SPRED2: variants seen among roughly 807,000 people sequenced by gnomAD.
SPRED2 encodes sprouty related EVH1 domain containing 2, also known as sprouty-related, EVH1 domain-containing protein 2.
In SPRED2, 47 loss-of-function variants were observed where a neutral mutation model predicts 43.0. That is an observed-to-expected ratio of 1.09 (90% CI 0.87 to 1.40). The LOEUF (loss-of-function observed/expected upper bound fraction) is 1.40, where lower values mean the gene tolerates loss of function less well. SPRED2 is among the 40% of genes most tolerant of loss of function. The pLI is 0.00. For synonymous variants in SPRED2, 225 were observed against 225.7 expected (o/e 1.00, Z 0.03); for missense variants, 561 against 586.4 (o/e 0.96, Z 0.45).
chr2:65,332,766 C>T (rs1255002080), intron 3 of SPRED2, among the ~76,000 whole-genome samples: 1 of 152,162 alleles, frequency 6.6e-6, no homozygotes, highest in African/African-American at 2.4e-5. Flanking sequence ...TACTTGTTCA[C>T]CTTTTTCTTC....
In SPRED2 at chr2:65,350,499, C is replaced by A. The variant is rs1572860816; in HGVS notation, c.27-5603G>T. On this transcript the variant is annotated intron_variant, in intron 1 of 5. Transcript: ENST00000356388. ...CAAATGGTGTTGGACGACCAGCCCT[C>A]AATACCATATTCTTTAGTTGTGTTA... Among the ~76,000 whole-genome samples, 6 of 152,276 alleles carry A rather than the reference C, an allele frequency of 3.9e-5. No individual in the cohort carries two copies. In the South Asian group the frequency reaches 1.2e-3, roughly 32 times the overall value.
At chr2:65,383,154 C>G (rs1675414643) in intron 1 of SPRED2, among the ~76,000 whole-genome samples, 1 of 152,216 alleles carries the variant, frequency 6.6e-6, no homozygotes, top group Admixed American at 6.5e-5. Flanking sequence ...AGTAGGAGAG[C>G]AAGGAAGGGC....
chr2:65,376,144 T>C (rs552690204), intron 1 of SPRED2, among the ~76,000 whole-genome samples: 20 of 152,308 alleles, frequency 1.3e-4, no homozygotes, highest in African/African-American at 4.8e-4. Context: ...TTGTGGGACA[T>C]AGGCACCTGC....
In SPRED2 at chr2:65,312,679, C is replaced by T; in HGVS notation, c.*822G>A. The T allele has an allele frequency of 1.0e-6, 1 of 985,828 alleles. No individual in the cohort carries two copies. The allele number at this position is 985,828 out of a possible 1,614,324, so 61.1% of individuals were successfully genotyped here. ...CTACTTTAGGGGTAATGGGGAGGCT[C>T]ATAGAAACCTGAAATCCCCATTCTA... On this transcript the variant is annotated 3_prime_UTR_variant, in exon 6 of 6. Coordinates refer to ENST00000356388, the MANE Select transcript of SPRED2 (RefSeq NM_181784.3).
intron 2 of SPRED2, among the ~76,000 whole-genome samples, chr2:65,343,533 C>A (rs1674250409): frequency 1.3e-5 from 2 of 152,198 alleles, no homozygotes; most frequent in African/African-American, 4.8e-5. Flanking sequence ...AGATGTAACA[C>A]TGACATATTC....
intron 1 of SPRED2, among the ~76,000 whole-genome samples, chr2:65,391,229 C>CACACACACACAT (rs1553425420): frequency 6.7e-6 from 1 of 148,320 alleles, no homozygotes; most frequent in Non-Finnish European, 1.5e-5. Context: ...CACACACACA[C>CACACACACACAT]GAATCATTAA....
At chr2:65,353,201 A>G (rs1465477885) in intron 1 of SPRED2, among the ~76,000 whole-genome samples, 4 of 152,176 alleles carry the variant, frequency 2.6e-5, no homozygotes, top group Non-Finnish European at 5.9e-5. Flanking sequence ...AGAATCTATG[A>G]GTAAAGCCAG....
intron 4 of SPRED2, among the ~76,000 whole-genome samples, chr2:65,329,484 A>G (rs917360466): frequency 9.9e-5 from 15 of 152,228 alleles, no homozygotes; most frequent in African/African-American, 3.6e-4. Flanking sequence ...CAAGAAATTA[A>G]GTGGTGCTCT....
At chr2:65,337,926 A>G (rs976230375) in intron 2 of SPRED2, among the ~76,000 whole-genome samples, 16 of 152,190 alleles carry the variant, frequency 1.1e-4, no homozygotes, top group African/African-American at 3.9e-4. Context: ...AGTTTTTTTG[A>G]TATTAATGAG....
At position 65,409,815 on chromosome 2, in the gene SPRED2, C is replaced by A. The variant is rs1184291346; in HGVS notation, c.26+22147G>T. 2.7e-5 allele frequency among the ~76,000 whole-genome samples: 4 copies of A among 150,050 alleles called. No homozygotes were observed. In the East Asian group the frequency reaches 8.0e-4, roughly 30 times the overall value. On this transcript the variant is annotated intron_variant, in intron 1 of 5. Coordinates refer to ENST00000356388, the MANE Select transcript of SPRED2 (RefSeq NM_181784.3). ...CTTTGGGAGGCCAAGGCGGGCGGAT[C>A]ACGAGGTCAGGAGATCAAGACCATC...
intron 4 of SPRED2, among the ~76,000 whole-genome samples, chr2:65,318,315 C>T (rs1330140032): frequency 6.6e-5 from 10 of 152,004 alleles, no homozygotes; most frequent in East Asian, 1.9e-4. Flanking sequence ...TTATCAGCAG[C>T]GAGAAAATAG....
intron 1 of SPRED2, among the ~76,000 whole-genome samples, chr2:65,395,452 C>T (rs1359085761): frequency 1.3e-5 from 2 of 152,116 alleles, no homozygotes; most frequent in Non-Finnish European, 2.9e-5. Context: ...ACCCCACCTC[C>T]CTCACACTCA....
chr2:65,342,175 G>A (rs1326239871), intron 2 of SPRED2, among the ~76,000 whole-genome samples: 1 of 147,268 alleles, frequency 6.8e-6, no homozygotes, highest in Non-Finnish European at 1.5e-5. Context: ...CATATATTAT[G>A]TATGTATATT....
intron 1 of SPRED2, among the ~76,000 whole-genome samples, chr2:65,422,982 T>C (rs72898508): frequency 0.1 from 15,898 of 152,220 alleles, 878 homozygotes; most frequent in East Asian, 0.16. Flanking sequence ...GTAATAACTA[T>C]ATTAAGACTA....
In SPRED2 at chr2:65,432,149, G is replaced by C. The variant is rs1668890004; in HGVS notation, c.-162C>G. 3 of 860,350 alleles carry C rather than the reference G, an allele frequency of 3.5e-6. No individual in the cohort carries two copies. Among genetic ancestry groups the C allele is most frequent in the Non-Finnish European group, 5.5e-6 (3 of 540,942 alleles). The allele number at this position is 860,350 out of a possible 1,614,324, so 53.3% of individuals were successfully genotyped here. A position where few individuals can be genotyped will look rare whatever the true frequency, so the allele number is the denominator to read the frequency against. ...GCCGCAGCAGAAGGGGAAGCAGGGC[G>C]CGGGATAGGGTTTGGGGGAAGGGGT... On this transcript the variant is annotated 5_prime_UTR_variant, in exon 1 of 6. Coordinates refer to ENST00000356388, the MANE Select transcript of SPRED2 (RefSeq NM_181784.3).
At chr2:65,369,039 C>T (rs1024072086) in intron 1 of SPRED2, among the ~76,000 whole-genome samples, 2 of 151,996 alleles carry the variant, frequency 1.3e-5, no homozygotes, top group Admixed American at 1.3e-4. Context: ...TGCACCACCG[C>T]ACTCCAGCCT....
At chr2:65,353,984 CCTTT>C (rs1674578637) in intron 1 of SPRED2, among the ~76,000 whole-genome samples, 1 of 152,116 alleles carries the variant, frequency 6.6e-6, no homozygotes, top group African/African-American at 2.4e-5. Context: ...AGTCTGGCCT[CCTTT>C]CTTTCCTGCT....
chr2:65,405,933 A>G (rs1477531508), intron 1 of SPRED2, among the ~76,000 whole-genome samples: 1 of 152,010 alleles, frequency 6.6e-6, no homozygotes, highest in Non-Finnish European at 1.5e-5. Flanking sequence ...CTATTTCTCC[A>G]AGCTGACCCT....
chr2:65,423,393 C>T (rs1034462015), intron 1 of SPRED2, among the ~76,000 whole-genome samples: 6 of 152,204 alleles, frequency 3.9e-5, no homozygotes, highest in African/African-American at 1.4e-4. Flanking sequence ...TCTCAAAAAG[C>T]ACAGCCAACT....
Sources: gnomAD v4.1 joint callset for allele counts (sites outside exome capture counted in the v4.1 genomes callset) on GRCh38, gnomAD v4.1.1 for gene constraint, MANE v1.5 for transcripts, NCBI Gene and HGNC (gene_info 2026-07-23, HGNC 2026-07-21) for gene names.